Variants in PPP2R2B observed in about 807,000 individuals in gnomAD.
PPP2R2B encodes protein phosphatase 2 regulatory subunit Bbeta.
PPP2R2B carries 5 observed loss-of-function variants against 46.0 expected under a neutral mutation model. That is an observed-to-expected ratio of 0.11 (90% CI 0.06 to 0.23). The LOEUF is 0.23. Among genes scored for constraint, PPP2R2B ranks in the 10% least tolerant of loss-of-function variants. The probability of loss-of-function intolerance (pLI) is 1.00; values close to 1 mark genes in which losing one functional copy is unlikely to be tolerated. For synonymous variants in PPP2R2B, 215 were observed against 206.7 expected, an observed-to-expected ratio of 1.04 and a Z score of -0.34; for missense variants, 367 against 575.0, an observed-to-expected ratio of 0.64 and a Z score of 3.70.
At chr5:146,897,771 C>G (rs1348156273) in intron 1 of PPP2R2B, among the ~76,000 whole-genome samples, 9 of 151,428 alleles carry the variant, frequency 5.9e-5, no homozygotes, top group African/African-American at 2.2e-4. Flanking sequence ...AATTCAAGAA[C>G]CGGATGCTAT....
In PPP2R2B at chr5:146,823,476, C is replaced by T. The variant is rs371108173; in HGVS notation, c.70+54526G>A. On this transcript the variant is annotated intron_variant, in intron 2 of 9. Transcript: ENST00000394411. The stretch of plus-strand genomic sequence containing the variant: ...CCTCTCAAATTGCTGGGATTACAGG[C>T]GTGAGCCACTGCACCTGGCCCAGAG... Among the ~76,000 whole-genome samples the T allele has an allele frequency of 2.1e-4, 32 of 152,132 alleles. No individual in the cohort carries two copies. The East Asian group carries it at 2.1e-3, about 10-fold the overall frequency.
intron 2 of PPP2R2B, among the ~76,000 whole-genome samples, chr5:146,745,210 G>C (rs1753116581): frequency 7.8e-6 from 1 of 128,092 alleles, no homozygotes; most frequent in Non-Finnish European, 1.7e-5. Flanking sequence ...GAGAGAGAAA[G>C]AGACTATAAG....
intron 1 of PPP2R2B, among the ~76,000 whole-genome samples, chr5:146,971,431 T>A (rs1289757404): frequency 6.6e-6 from 1 of 152,164 alleles, no homozygotes; most frequent in Non-Finnish European, 1.5e-5. Context: ...AAACTTACGC[T>A]CTATGTTGGG....
chr5:146,795,967 A>G (rs903506562), intron 2 of PPP2R2B, among the ~76,000 whole-genome samples: 5 of 152,178 alleles, frequency 3.3e-5, no homozygotes, highest in African/African-American at 9.7e-5. Context: ...TCAACTGGGT[A>G]TAAACATGCC....
At chr5:146,804,512 A>G (rs78901590) in intron 2 of PPP2R2B, among the ~76,000 whole-genome samples, 4,023 of 152,230 alleles carry the variant, frequency 0.026, 157 homozygotes, top group African/African-American at 0.092. Context: ...CTATATTTTC[A>G]ATAACAACAT....
At chr5:146,757,571 G>A (rs942587286) in intron 2 of PPP2R2B, among the ~76,000 whole-genome samples, 11 of 152,114 alleles carry the variant, frequency 7.2e-5, no homozygotes, top group African/African-American at 2.7e-4. Flanking sequence ...GGGGTGTCTG[G>A]AAAACATAGA....
intron 1 of PPP2R2B, among the ~76,000 whole-genome samples, chr5:147,030,857 A>C (rs1332382320): frequency 6.6e-6 from 1 of 152,084 alleles, no homozygotes; most frequent in East Asian, 1.9e-4. Context: ...TCAACATACA[A>C]CACTTTTCAT....
At chr5:146,911,141 T>G (rs1763167751) in intron 1 of PPP2R2B, among the ~76,000 whole-genome samples, 1 of 151,802 alleles carries the variant, frequency 6.6e-6, no homozygotes, top group Admixed American at 6.6e-5. Flanking sequence ...TGGAGTGCAG[T>G]AGTGTGATCT....
chr5:146,855,168 G>A (rs1038344300), intron 2 of PPP2R2B, among the ~76,000 whole-genome samples: 1 of 151,814 alleles, frequency 6.6e-6, no homozygotes, highest in Admixed American at 6.6e-5. Flanking sequence ...TAGTTGGTAG[G>A]AAGGAAAAAA....
intron 2 of PPP2R2B, among the ~76,000 whole-genome samples, chr5:146,805,327 A>T (rs1757111552): frequency 6.6e-6 from 1 of 151,776 alleles, no homozygotes; most frequent in African/African-American, 2.4e-5. Context: ...AGGAACATTC[A>T]CCCCTCCCCC....
chr5:146,841,795 T>A (rs529732828), intron 2 of PPP2R2B, among the ~76,000 whole-genome samples: 2 of 151,962 alleles, frequency 1.3e-5, no homozygotes, highest in African/African-American at 2.4e-5. Flanking sequence ...GTTGGGGAGC[T>A]AGGGGAGGGA....
At chr5:146,804,848 C>T (rs1376175723) in intron 2 of PPP2R2B, among the ~76,000 whole-genome samples, 2 of 152,094 alleles carry the variant, frequency 1.3e-5, no homozygotes, top group African/African-American at 4.8e-5. Flanking sequence ...CATGATGAGT[C>T]CTGGAGAAGA....
At chr5:146,861,244 G>T (rs969397040) in intron 2 of PPP2R2B, among the ~76,000 whole-genome samples, 26 of 151,920 alleles carry the variant, frequency 1.7e-4, no homozygotes, top group African/African-American at 6.0e-4. Flanking sequence ...TTTTTGTGGA[G>T]ACAGGGTTTC....
chr5:146,811,057 G>A (rs1757512238), intron 2 of PPP2R2B, among the ~76,000 whole-genome samples: 1 of 152,178 alleles, frequency 6.6e-6, no homozygotes, highest in African/African-American at 2.4e-5. Context: ...AGGCTGGAGT[G>A]CAATGGTGCG....
intron 1 of PPP2R2B, among the ~76,000 whole-genome samples, chr5:146,945,505 C>T (rs1006164867): frequency 2.0e-5 from 3 of 152,182 alleles, no homozygotes; most frequent in African/African-American, 4.8e-5. Flanking sequence ...TGTCCAAGTC[C>T]GATATATTGA....
At chr5:146,787,387 T>G (rs753494287) in intron 2 of PPP2R2B, among the ~76,000 whole-genome samples, 3 of 152,158 alleles carry the variant, frequency 2.0e-5, no homozygotes, top group African/African-American at 7.2e-5. Context: ...ATTTAAAAAT[T>G]GTATGTTTTT....
chr5:146,978,268 T>C (rs1753009380), intron 1 of PPP2R2B, among the ~76,000 whole-genome samples: 1 of 152,220 alleles, frequency 6.6e-6, no homozygotes, highest in South Asian at 2.1e-4. Context: ...TTCTGGATAT[T>C]AGCTCTTTGT....
rs144898161 is a variant in PPP2R2B, at chr5:146,822,480, C to T, written c.70+55522G>A. Among the ~76,000 whole-genome samples, 208 of 150,958 alleles carry T rather than the reference C, an allele frequency of 1.4e-3. 3 individuals are homozygous for T. The highest frequency in any genetic ancestry group is 4.4e-3 in the African/African-American group (182 of 41,178). Reference sequence around the variant, plus strand: ...ATTCATTACTGCTCCAGGGCCTTTGCATTTACTATTTTCTCTCCAGGAAGT... The same window carrying T: ...ATTCATTACTGCTCCAGGGCCTTTGTATTTACTATTTTCTCTCCAGGAAGT... On this transcript the variant is annotated intron_variant, in intron 2 of 9. Transcript: ENST00000394411.
At chr5:146,958,776 G>A (rs915969463) in intron 1 of PPP2R2B, among the ~76,000 whole-genome samples, 15 of 152,122 alleles carry the variant, frequency 9.9e-5, no homozygotes, top group Non-Finnish European at 1.9e-4. Flanking sequence ...TTCAGATCAT[G>A]AGCTATATCA....
Sources: allele counts gnomAD v4.1 joint callset (sites outside exome capture counted in the v4.1 genomes callset), GRCh38; gene constraint gnomAD v4.1.1; transcripts MANE v1.5; gene names NCBI Gene and HGNC (gene_info 2026-07-23, HGNC 2026-07-21).